Variants in CWH43 observed in about 807,000 individuals in gnomAD.
The protein encoded by CWH43 is PGAP2-interacting protein.
In CWH43, 91 loss-of-function variants were observed where a neutral mutation model predicts 85.7. The ratio of observed to expected loss-of-function variants is 1.06; its 90% CI spans 0.90 to 1.26. The LOEUF (loss-of-function observed/expected upper bound fraction) is 1.26, where lower values mean the gene tolerates loss of function less well. Ranked by LOEUF, CWH43 falls within the 50% of genes most tolerant of loss-of-function variation. CWH43 has a pLI of 0.00. For synonymous variants in CWH43, 323 were observed against 293.6 expected (o/e 1.10, Z -1.02); for missense variants, 869 against 839.2 (o/e 1.04, Z -0.44).
chr4:49,031,064 C>A lies in CWH43; in HGVS notation c.1508+104C>A, dbSNP rs1784081925. The A allele has an allele frequency of 4.6e-6, 5 of 1,096,826 alleles. No homozygotes were observed. The East Asian group carries it at 1.4e-4, about 31-fold the overall frequency. 67.9% of individuals were successfully genotyped at this position (1,096,826 alleles called of 1,614,324 possible). The stretch of plus-strand genomic sequence containing the variant: ...TTGTAATATCTTTGGTGAATGTGCC[C>A]CAGTGATGCTTCTTGGGGGATGAGG... On this transcript the variant is annotated intron_variant, in intron 11 of 15. Transcript: ENST00000226432.
intron 1 of CWH43, among the ~76,000 whole-genome samples, chr4:48,987,134 G>A (rs1206745954): frequency 1.3e-5 from 2 of 151,978 alleles, no homozygotes; most frequent in East Asian, 1.9e-4. Flanking sequence ...TCCCCGGTTC[G>A]TTACAAAACA....
At chr4:49,002,336 G>A (rs1353415582) in intron 6 of CWH43, among the ~76,000 whole-genome samples, 1 of 152,054 alleles carries the variant, frequency 6.6e-6, no homozygotes, top group Non-Finnish European at 1.5e-5. Context: ...ATATTGTGGT[G>A]TATTTATCCA....
Position 49,019,725 on chromosome 4 carries a change from G to T in CWH43, c.1266+2397G>T, listed in dbSNP as rs190651908. Among the ~76,000 whole-genome samples the T allele has an allele frequency of 7.8e-4, 119 of 151,894 alleles. No homozygotes were observed. In the Middle Eastern group the frequency reaches 0.01, roughly 13 times the overall value. ...CTCCAGAGCAGCTGGGATTACAGGCGCACACCACCATGCCCAGCTAATTTT... is the reference window on the plus strand; with the variant it reads ...CTCCAGAGCAGCTGGGATTACAGGCTCACACCACCATGCCCAGCTAATTTT... On this transcript the variant is annotated intron_variant, in intron 9 of 15. Coordinates refer to ENST00000226432, the MANE Select transcript of CWH43 (RefSeq NM_025087.3).
chr4:48,990,755 G>T (rs1255634570), intron 2 of CWH43, among the ~76,000 whole-genome samples: 1 of 152,174 alleles, frequency 6.6e-6, no homozygotes, highest in Non-Finnish European at 1.5e-5. Flanking sequence ...GTTATCATAT[G>T]ATCTAACAAC....
At chr4:49,026,602 G>A (rs950513781) in intron 9 of CWH43, among the ~76,000 whole-genome samples, 3 of 143,610 alleles carry the variant, frequency 2.1e-5, no homozygotes, top group Non-Finnish European at 4.5e-5. Context: ...CATCCTCATA[G>A]CTTAGCTCCC....
At chr4:49,013,234 A>T (rs547092749) in intron 8 of CWH43, among the ~76,000 whole-genome samples, 33 of 152,330 alleles carry the variant, frequency 2.2e-4, no homozygotes, top group African/African-American at 7.0e-4. Flanking sequence ...TGCGCCTTGG[A>T]GGTTGATCTC....
At chr4:49,041,204 T>C (rs1784450850) in intron 13 of CWH43, among the ~76,000 whole-genome samples, 1 of 152,208 alleles carries the variant, frequency 6.6e-6, no homozygotes, top group Admixed American at 6.5e-5. Context: ...TTCTTTTGGC[T>C]TAGGATTGAC....
At chr4:49,009,998 G>C (rs763364965) in intron 8 of CWH43, among the ~76,000 whole-genome samples, 6 of 152,232 alleles carry the variant, frequency 3.9e-5, no homozygotes, top group Non-Finnish European at 7.3e-5. Context: ...CATAAAATGA[G>C]TTAGGGAGGA....
intron 5 of CWH43, among the ~76,000 whole-genome samples, chr4:48,996,512 T>G (rs1482933642): frequency 6.6e-6 from 1 of 152,242 alleles, no homozygotes; most frequent in South Asian, 2.1e-4. Flanking sequence ...TCATTTAGAG[T>G]CTGTATCTTC....
chr4:49,014,740 G>A (rs2109779639), intron 8 of CWH43, among the ~76,000 whole-genome samples: 1 of 151,928 alleles, frequency 6.6e-6, no homozygotes, highest in East Asian at 1.9e-4. Flanking sequence ...GCAATTTTAG[G>A]TTCATAGGAA....
rs1214722667 is a variant in CWH43, at chr4:49,017,344, C to A, written c.1266+16C>A. 5 of 1,547,826 alleles carry A rather than the reference C, an allele frequency of 3.2e-6. No individual in the cohort carries two copies. Among genetic ancestry groups the A allele is most frequent in the South Asian group, 1.1e-5 (1 of 87,812 alleles). ...GGGCAAAGTGGTAAGTAATTAAAAACCTTGAAATAGAATTTTATATGGTAT... is the reference window on the plus strand; with the variant it reads ...GGGCAAAGTGGTAAGTAATTAAAAAACTTGAAATAGAATTTTATATGGTAT... On this transcript the variant is annotated intron_variant, in intron 9 of 15. Coordinates refer to ENST00000226432, the MANE Select transcript of CWH43 (RefSeq NM_025087.3).
At chr4:49,019,478 G>A (rs1215001503) in intron 9 of CWH43, among the ~76,000 whole-genome samples, 1 of 152,140 alleles carries the variant, frequency 6.6e-6, no homozygotes, top group Non-Finnish European at 1.5e-5. Flanking sequence ...GGAGAGGCTG[G>A]GGAGGGCCAT....
chr4:49,001,666 T>G (rs1782994049), intron 6 of CWH43, among the ~76,000 whole-genome samples: 1 of 152,120 alleles, frequency 6.6e-6, no homozygotes. Flanking sequence ...TTATAACCTA[T>G]TTAAACAGTA....
At position 49,030,871 on chromosome 4, in the gene CWH43, T is replaced by C; in HGVS notation, c.1419T>C (p.Tyr473=). 1 of 1,609,046 alleles carries C rather than the reference T, an allele frequency of 6.2e-7. No homozygotes were observed. Among genetic ancestry groups the C allele is most frequent in the South Asian group, 1.1e-5 (1 of 90,180 alleles). ...TGGAGAGTGATGCTTCTAAGCCCTA[T>C]ATGGGGAACAATGACTTAACCATGT... The part of the protein sequence containing the change: ...TILESDASKP[Y]MGNNDLTMWL... The change falls in exon 11 of 16, where the codon TAT becomes TAC. Residue 473 remains tyrosine, a synonymous_variant. Transcript: ENST00000226432.
At chr4:48,997,432 G>A (rs1577656558) in intron 5 of CWH43, among the ~76,000 whole-genome samples, 1 of 152,232 alleles carries the variant, frequency 6.6e-6, no homozygotes, top group African/African-American at 2.4e-5. Context: ...GGGAGAAAGG[G>A]ATCGTTGTTC....
chr4:49,026,341 C>A (rs1405400567), intron 9 of CWH43, among the ~76,000 whole-genome samples: 3 of 152,338 alleles, frequency 2.0e-5, no homozygotes, highest in African/African-American at 4.8e-5. Context: ...CCTGCAGCAA[C>A]AATACACTTC....
chr4:49,033,751 T>C (rs1784177109), intron 12 of CWH43, among the ~76,000 whole-genome samples: 1 of 152,108 alleles, frequency 6.6e-6, no homozygotes, highest in African/African-American at 2.4e-5. Context: ...AAAGCAAACA[T>C]AAAAGTATGT....
At chr4:49,019,683 G>A (rs1484007490) in intron 9 of CWH43, among the ~76,000 whole-genome samples, 2 of 151,894 alleles carry the variant, frequency 1.3e-5, no homozygotes, top group African/African-American at 2.4e-5. Flanking sequence ...GGGTTGAAGC[G>A]ATTCTCTTGC....
At chr4:49,004,133 A>G in intron 7 of CWH43, 141 bp downstream of exon 7, 2 of 715,204 alleles carry the variant, frequency 2.8e-6, no homozygotes, top group Non-Finnish European at 4.4e-6. Flanking sequence ...CTCTTGATTA[A>G]AACACAAAAC....
Sources: allele counts gnomAD v4.1 joint callset (sites outside exome capture counted in the v4.1 genomes callset), GRCh38; gene constraint gnomAD v4.1.1; transcripts MANE v1.5; gene names NCBI Gene and HGNC (gene_info 2026-07-23, HGNC 2026-07-21).